The following LEMD3 variants were observed in gnomAD, a reference collection of about 807,000 sequenced individuals.
LEMD3 encodes the protein inner nuclear membrane protein Man1.
LEMD3 carries 33 observed loss-of-function variants against 95.2 expected under a neutral mutation model. The ratio of observed to expected loss-of-function variants is 0.35; its 90% CI spans 0.26 to 0.46. The LOEUF (loss-of-function observed/expected upper bound fraction) is 0.46. LEMD3 is among the 20% of genes least tolerant of loss of function. The pLI, the probability that LEMD3 is intolerant of heterozygous loss-of-function variation, is 1.00. For synonymous variants in LEMD3, 525 were observed against 474.6 expected, an observed-to-expected ratio of 1.11 and a Z score of -1.38; for missense variants, 1,210 against 1,192.8, an observed-to-expected ratio of 1.01 and a Z score of -0.21.
intron 6 of LEMD3, among the ~76,000 whole-genome samples, chr12:65,239,347 T>C (rs1870864325): frequency 6.6e-6 from 1 of 152,024 alleles, no homozygotes; most frequent in African/African-American, 2.4e-5. Flanking sequence ...CTCAGGAGTT[T>C]AAGACCAGCC....
chr12:65,215,079 G>C (rs1870061705), intron 2 of LEMD3, among the ~76,000 whole-genome samples: 1 of 152,122 alleles, frequency 6.6e-6, no homozygotes, highest in South Asian at 2.1e-4. Flanking sequence ...CAAACTCTCT[G>C]TCTTGCTATC....
intron 1 of LEMD3, among the ~76,000 whole-genome samples, chr12:65,197,580 G>T (rs1176977282): frequency 6.6e-6 from 1 of 152,040 alleles, no homozygotes; most frequent in Non-Finnish European, 1.5e-5. Context: ...TTTTTGACTT[G>T]ATGACATACT....
intron 1 of LEMD3, among the ~76,000 whole-genome samples, chr12:65,200,599 A>T (rs1055587255): frequency 1.3e-4 from 20 of 152,134 alleles, no homozygotes; most frequent in African/African-American, 4.8e-4. Flanking sequence ...ATAACGTATG[A>T]TGTGGATCAT....
At chr12:65,197,584 A>T (rs775051464) in intron 1 of LEMD3, among the ~76,000 whole-genome samples, 6 of 152,128 alleles carry the variant, frequency 3.9e-5, no homozygotes, top group Non-Finnish European at 7.4e-5. Context: ...TGACTTGATG[A>T]CATACTTAAG....
At chr12:65,218,033 A>C (rs1206604230) in intron 3 of LEMD3, among the ~76,000 whole-genome samples, 1 of 152,240 alleles carries the variant, frequency 6.6e-6, no homozygotes, top group African/African-American at 2.4e-5. Context: ...AGATAGGATT[A>C]GTTATACTCT....
chr12:65,239,834 G>T (rs1870876941), intron 6 of LEMD3, 95 bp from the exon 7 acceptor site: 11 of 817,242 alleles, frequency 1.3e-5, no homozygotes, highest in Non-Finnish European at 2.1e-5. Flanking sequence ...CTGTCTTGAA[G>T]GTTCATTCCG....
intron 1 of LEMD3, among the ~76,000 whole-genome samples, chr12:65,198,246 CCAT>C (rs1414742373): frequency 6.6e-6 from 1 of 152,054 alleles, no homozygotes; most frequent in African/African-American, 2.4e-5. Context: ...TGAGCTGTCA[CCAT>C]GTTTAATAAA....
intron 1 of LEMD3, 107 bp downstream of exon 1, chr12:65,171,225 T>A: frequency 6.4e-7 from 1 of 1,566,306 alleles, no homozygotes; most frequent in Non-Finnish European, 8.6e-7. Context: ...AAGAATATGG[T>A]TTAACAGCAA....
At chr12:65,239,667 ATAGT>A (rs1417038667) in intron 6 of LEMD3, among the ~76,000 whole-genome samples, 1 of 152,212 alleles carries the variant, frequency 6.6e-6, no homozygotes, top group Non-Finnish European at 1.5e-5. Flanking sequence ...TTTGTGAAAC[ATAGT>A]TATATATATA....
chr12:65,209,638 C>A (rs146305378), intron 1 of LEMD3, among the ~76,000 whole-genome samples: 1 of 152,054 alleles, frequency 6.6e-6, no homozygotes, highest in African/African-American at 2.4e-5. Context: ...TTTTGATTTT[C>A]TGTAATATCT....
chr12:65,235,669 T>A (rs542216670), intron 4 of LEMD3, among the ~76,000 whole-genome samples: 1 of 152,292 alleles, frequency 6.6e-6, no homozygotes, highest in African/African-American at 2.4e-5. Flanking sequence ...ACTATGCAAT[T>A]TTATATCAGG....
At chr12:65,232,767 A>G (rs1328068470) in intron 4 of LEMD3, among the ~76,000 whole-genome samples, 2 of 152,160 alleles carry the variant, frequency 1.3e-5, no homozygotes, top group Non-Finnish European at 2.9e-5. Flanking sequence ...TTTAAGTTAG[A>G]TGGTAGTGAC....
chr12:65,191,947 A>T (rs1869256069), intron 1 of LEMD3, among the ~76,000 whole-genome samples: 1 of 127,722 alleles, frequency 7.8e-6, no homozygotes, highest in African/African-American at 2.9e-5. Context: ...AAAAAAAAAA[A>T]GACGGAATAA....
At chr12:65,228,198 G>A (rs570896885) in intron 4 of LEMD3, among the ~76,000 whole-genome samples, 33 of 152,162 alleles carry the variant, frequency 2.2e-4, no homozygotes, top group African/African-American at 7.5e-4. Flanking sequence ...ACACAGATGC[G>A]GGGTTGGGGT....
At chr12:65,212,176 T>C (rs1869959002) in intron 2 of LEMD3, among the ~76,000 whole-genome samples, 1 of 152,006 alleles carries the variant, frequency 6.6e-6, no homozygotes, top group South Asian at 2.1e-4. Context: ...ACGAGACTTA[T>C]TCACTATTCA....
chr12:65,215,604 T>TGCGCGC (rs1870082524), intron 2 of LEMD3, among the ~76,000 whole-genome samples: 1 of 152,136 alleles, frequency 6.6e-6, no homozygotes, highest in Non-Finnish European at 1.5e-5. Context: ...AAACAAGACA[T>TGCGCGC]GAAGGGCAGC....
chr12:65,197,775 GC>G (rs560435098), intron 1 of LEMD3, among the ~76,000 whole-genome samples: 34 of 152,108 alleles, frequency 2.2e-4, no homozygotes, highest in African/African-American at 7.7e-4. Flanking sequence ...TATGTATAAT[GC>G]CCTTTTCCTT....
chr12:65,207,781 G>A (rs1252035018), intron 1 of LEMD3, among the ~76,000 whole-genome samples: 2 of 152,014 alleles, frequency 1.3e-5, no homozygotes, highest in African/African-American at 4.8e-5. Context: ...TCTTAAACTA[G>A]CAAAGCATAT....
At chr12:65,174,092 T>C (rs1244649012) in intron 1 of LEMD3, among the ~76,000 whole-genome samples, 2 of 152,202 alleles carry the variant, frequency 1.3e-5, no homozygotes, top group Non-Finnish European at 2.9e-5. Context: ...GTAGGTTATA[T>C]GTGAGAGTAA....
Sources: allele counts gnomAD v4.1 joint callset (sites outside exome capture counted in the v4.1 genomes callset), GRCh38; gene constraint gnomAD v4.1.1; transcripts MANE v1.5; gene names NCBI Gene and HGNC (gene_info 2026-07-23, HGNC 2026-07-21).